CDH13: variants seen among roughly 807,000 people sequenced by gnomAD.
CDH13 encodes cadherin-13.
A neutral mutation model predicts 63.8 loss-of-function variants in CDH13; 24 were observed. That is an observed-to-expected ratio of 0.38 (90% CI 0.27 to 0.53). The LOEUF (loss-of-function observed/expected upper bound fraction) is 0.53. CDH13 is among the 20% of genes least tolerant of loss of function. CDH13 has a pLI of 0.85. For synonymous variants in CDH13, 503 were observed against 355.3 expected (o/e 1.42, Z -4.67); for missense variants, 1,049 against 903.1 (o/e 1.16, Z -2.07).
intron 1 of CDH13, among the ~76,000 whole-genome samples, chr16:82,651,006 G>C (rs1441400501): frequency 1.3e-5 from 2 of 152,140 alleles, no homozygotes; most frequent in Non-Finnish European, 2.9e-5. Context: ...ATCTTTACCT[G>C]TCATGTGGTT....
intron 6 of CDH13, among the ~76,000 whole-genome samples, chr16:83,393,797 C>G (rs2091833299): frequency 6.6e-6 from 1 of 152,132 alleles, no homozygotes; most frequent in African/African-American, 2.4e-5. Context: ...CTTCTGGCCT[C>G]AGGGAGTACA....
At chr16:82,708,495 C>T (rs1016612151) in intron 1 of CDH13, among the ~76,000 whole-genome samples, 1 of 152,148 alleles carries the variant, frequency 6.6e-6, no homozygotes, top group Non-Finnish European at 1.5e-5. Flanking sequence ...GTGAAGACTC[C>T]ACTGTCTCTG....
rs908530045 is a variant in CDH13 at position 82,730,604 on chromosome 16, G to T, written c.45+103467G>T. ...TAATAATTTGAAAGTTTGAAATATT[G>T]CAGGAAAGACCAAAATGTGACACAG... On this transcript the variant is annotated intron_variant, in intron 1 of 13. Transcript: ENST00000567109. Among the ~76,000 whole-genome samples, 8 of 152,316 alleles carry T rather than the reference G, an allele frequency of 5.3e-5. 1 individual carries two copies. Among genetic ancestry groups the T allele is most frequent in the Admixed American group, 1.3e-4 (2 of 15,302 alleles).
At chr16:82,842,091 CATATATATATATATATATATGTATAT>C (rs1293024080) in intron 1 of CDH13, among the ~76,000 whole-genome samples, 21 of 41,684 alleles carry the variant, frequency 5.0e-4, no homozygotes, top group South Asian at 8.4e-4. Context: ...TTGCATTCTA[CATATATATATATATATATATGTATAT>C]ATATATATAT....
At chr16:83,643,799 G>T (rs1328715252) in intron 8 of CDH13, among the ~76,000 whole-genome samples, 4 of 152,148 alleles carry the variant, frequency 2.6e-5, no homozygotes, top group African/African-American at 9.7e-5. Flanking sequence ...GTTTACTTAC[G>T]TTAATCATAA....
chr16:83,771,304 C>G (rs1402100416), intron 11 of CDH13, among the ~76,000 whole-genome samples: 1 of 152,162 alleles, frequency 6.6e-6, no homozygotes, highest in Non-Finnish European at 1.5e-5. Context: ...GGCCAGGTGG[C>G]CAACTTGGCC....
At chr16:83,621,356 T>C (rs1909794818) in intron 8 of CDH13, among the ~76,000 whole-genome samples, 1 of 152,052 alleles carries the variant, frequency 6.6e-6, no homozygotes, top group Admixed American at 6.6e-5. Context: ...GTTTTTCTTG[T>C]TACACTTGTG....
At chr16:83,140,130 G>A (rs926446120) in intron 4 of CDH13, among the ~76,000 whole-genome samples, 8 of 152,192 alleles carry the variant, frequency 5.3e-5, no homozygotes, top group Non-Finnish European at 1.0e-4. Context: ...TACCACCAGA[G>A]GTTTAGATCC....
In CDH13 at chr16:83,517,674, C is replaced by A. The variant is rs2074729596; in HGVS notation, c.960+31019C>A. On this transcript the variant is annotated intron_variant, in intron 7 of 13. Transcript: ENST00000567109. ...TTTGTTGCAGTGACAGTCTGGAAAA[C>A]AATGTGAACTGGTTGACAAGCTTAA... Among the ~76,000 whole-genome samples, 3 of 152,124 alleles carry A rather than the reference C, an allele frequency of 2.0e-5. No homozygotes were observed. In the South Asian group the frequency reaches 6.2e-4, roughly 31 times the overall value.
chr16:82,708,044 G>C (rs938700865), intron 1 of CDH13, among the ~76,000 whole-genome samples: 5 of 152,174 alleles, frequency 3.3e-5, no homozygotes, highest in African/African-American at 1.2e-4. Flanking sequence ...CTGTTGCTCA[G>C]ACGTCACCTT....
chr16:82,713,315 C>G (rs376430140), intron 1 of CDH13, among the ~76,000 whole-genome samples: 1 of 152,144 alleles, frequency 6.6e-6, no homozygotes, highest in Non-Finnish European at 1.5e-5. Context: ...ACACTGGTAT[C>G]TAAGAACCAC....
At chr16:82,765,262 G>A (rs1165199970) in intron 1 of CDH13, among the ~76,000 whole-genome samples, 3 of 152,280 alleles carry the variant, frequency 2.0e-5, no homozygotes, top group South Asian at 2.1e-4. Flanking sequence ...AATACCTCTT[G>A]AAGCTCCGAT....
At chr16:83,122,427 T>C (rs959124090) in intron 3 of CDH13, among the ~76,000 whole-genome samples, 1 of 152,238 alleles carries the variant, frequency 6.6e-6, no homozygotes. Flanking sequence ...TAATTAAAAA[T>C]ATGAGTTACG....
At chr16:83,281,648 C>T (rs2089178828) in intron 5 of CDH13, among the ~76,000 whole-genome samples, 1 of 152,104 alleles carries the variant, frequency 6.6e-6, no homozygotes, top group Non-Finnish European at 1.5e-5. Flanking sequence ...GTGGCTGACA[C>T]CTGTAATCCC....
chr16:82,715,717 C>G (rs1174732522), intron 1 of CDH13, among the ~76,000 whole-genome samples: 1 of 152,150 alleles, frequency 6.6e-6, no homozygotes, highest in East Asian at 1.9e-4. Context: ...CACTCCAGTG[C>G]AGGAAAGATC....
chr16:83,289,012 G>T (rs2089398668), intron 5 of CDH13, among the ~76,000 whole-genome samples: 1 of 152,182 alleles, frequency 6.6e-6, no homozygotes, highest in Non-Finnish European at 1.5e-5. Context: ...TAAGGGGTTG[G>T]AACACCACCT....
At chr16:83,067,568 A>C (rs1168088673) in intron 3 of CDH13, among the ~76,000 whole-genome samples, 4 of 152,220 alleles carry the variant, frequency 2.6e-5, no homozygotes, top group African/African-American at 7.2e-5. Context: ...CAACCTCCAC[A>C]AACTAAGGTT....
intron 1 of CDH13, among the ~76,000 whole-genome samples, chr16:82,685,131 C>T (rs1380836228): frequency 6.6e-6 from 1 of 152,180 alleles, no homozygotes; most frequent in Non-Finnish European, 1.5e-5. Flanking sequence ...GGAAAAAATA[C>T]TTCAGTTTTG....
intron 1 of CDH13, among the ~76,000 whole-genome samples, chr16:82,788,614 G>A (rs546970520): frequency 5.1e-4 from 77 of 152,334 alleles, no homozygotes; most frequent in Non-Finnish European, 9.1e-4. Context: ...GAATAGCACA[G>A]AGCATTTGTA....
Sources: gnomAD v4.1 joint callset for allele counts (sites outside exome capture counted in the v4.1 genomes callset) on GRCh38, gnomAD v4.1.1 for gene constraint, MANE v1.5 for transcripts, NCBI Gene and HGNC (gene_info 2026-07-23, HGNC 2026-07-21) for gene names.